TBC1D8B: variants seen among roughly 807,000 people sequenced by gnomAD.
TBC1D8B encodes TBC1 domain family member 8B.
In TBC1D8B, 75 loss-of-function variants were observed where a neutral mutation model predicts 82.9. That is an observed-to-expected ratio of 0.90 (90% confidence interval 0.75 to 1.10). The LOEUF (loss-of-function observed/expected upper bound fraction) is 1.10, where lower values mean the gene tolerates loss of function less well. TBC1D8B is among the 50% of genes least tolerant of loss of function. The probability of loss-of-function intolerance (pLI) is 0.00; values close to 1 mark genes in which losing one functional copy is unlikely to be tolerated. For synonymous variants in TBC1D8B, 276 were observed against 276.8 expected, an observed-to-expected ratio of 1.00 and a Z score of 0.03; for missense variants, 794 against 796.9, an observed-to-expected ratio of 1.00 and a Z score of 0.04.
chrX:106,805,914 C>T (rs1425074162), intron 1 of TBC1D8B, among the ~76,000 whole-genome samples: 2 of 112,331 alleles, frequency 1.8e-5, no homozygotes, highest in East Asian at 5.6e-4. Flanking sequence ...TATGTGTTAT[C>T]CCTTTAAAAG....
intron 7 of TBC1D8B, 117 bp downstream of exon 7, chrX:106,827,454 A>C: frequency 1.3e-6 from 1 of 776,651 alleles, no homozygotes; most frequent in Non-Finnish European, 1.9e-6. Context: ...GTTTTTTTTA[A>C]AGATAGAATC....
chrX:106,853,764 T>C, intron 13 of TBC1D8B, 114 bp downstream of exon 13: 1 of 787,855 alleles, frequency 1.3e-6, no homozygotes. Flanking sequence ...GACATACAAC[T>C]TAAAATCCAA....
rs938148641 is a variant in TBC1D8B, at chrX:106,849,438, G to C, written c.1838-587G>C. On this transcript the variant is annotated intron_variant, in intron 11 of 20. Transcript: ENST00000357242. The stretch of plus-strand genomic sequence containing the variant: ...AGAAGATGAGTTTTCCTCAAAGCTT[G>C]ACCAGGATATAAGTGGATGCCTTAT... The C allele has an allele frequency of 3.8e-6, 4 of 1,048,820 alleles. No homozygotes were observed. In the African/African-American group the frequency reaches 7.9e-5, roughly 21 times the overall value. 86.4% of individuals were successfully genotyped at this position (1,048,820 alleles called of 1,213,427 possible). A position where few individuals can be genotyped will look rare whatever the true frequency, so the allele number is the denominator to read the frequency against.
chrX:106,807,086 C>T (rs892824823), intron 1 of TBC1D8B, among the ~76,000 whole-genome samples: 1 of 111,096 alleles, frequency 9.0e-6, no homozygotes, highest in Non-Finnish European at 1.9e-5. Flanking sequence ...GCATTTCATG[C>T]TTACAAAGGA....
chrX:106,851,808 C>T (rs900007614), intron 12 of TBC1D8B, among the ~76,000 whole-genome samples: 1 of 112,208 alleles, frequency 8.9e-6, no homozygotes, highest in African/African-American at 3.2e-5. Flanking sequence ...TTAATCCAGT[C>T]TATCGTTGTT....
intron 14 of TBC1D8B, among the ~76,000 whole-genome samples, chrX:106,861,027 A>G (rs1469842563): frequency 1.8e-5 from 2 of 111,333 alleles, no homozygotes; most frequent in African/African-American, 6.5e-5. Flanking sequence ...ATGTGATTAT[A>G]TGGTTTTGAG....
At position 106,831,955 on chromosome X, in the gene TBC1D8B, G is replaced by A. The variant is rs966635334; in HGVS notation, c.1203+4618G>A. Among the ~76,000 whole-genome samples, 5 of 111,144 alleles carry A rather than the reference G, an allele frequency of 4.5e-5. 1 individual carries two copies. Among genetic ancestry groups the A allele is most frequent in the African/African-American group, 1.6e-4 (5 of 30,626 alleles). ...ATATCTAGTTTTAATAATAGTACAC[G>A]TAAAAACTTAGTAAAGAGAAAGCTT... On this transcript the variant is annotated intron_variant, in intron 7 of 20. Coordinates refer to ENST00000357242, the MANE Select transcript of TBC1D8B (RefSeq NM_017752.3).
rs765111849 is a variant in TBC1D8B at position 106,802,791 on chromosome X, C to T, written c.-63C>T. The T allele has an allele frequency of 1.3e-5, 16 of 1,189,170 alleles. No individual in the cohort carries two copies. The highest frequency in any genetic ancestry group is 1.8e-5 in the South Asian group (1 of 54,162). ...GGGAGGAGAAGCAGAGGGGAAGAGACGGGTTGAGAGTGAGGTGAGGAGGGC... is the reference window on the plus strand; with the variant it reads ...GGGAGGAGAAGCAGAGGGGAAGAGATGGGTTGAGAGTGAGGTGAGGAGGGC... On this transcript the variant is annotated 5_prime_UTR_variant, in exon 1 of 21. It adds an upstream start codon to the 5' untranslated region. Transcript: ENST00000357242.
chrX:106,849,925 G>A (rs918059284), intron 11 of TBC1D8B, 100 bp from the exon 12 acceptor site: 1 of 1,076,971 alleles, frequency 9.3e-7, no homozygotes, highest in African/African-American at 1.9e-5. Context: ...ATTTAAGGAA[G>A]AAGAATGAGA....
intron 2 of TBC1D8B, among the ~76,000 whole-genome samples, chrX:106,819,790 A>G (rs1931645958): frequency 9.0e-6 from 1 of 110,630 alleles, no homozygotes; most frequent in Non-Finnish European, 1.9e-5. Flanking sequence ...GTTAGTAAAA[A>G]TTATTTTTTT....
At position 106,865,668 on chromosome X, in the gene TBC1D8B, T is replaced by C. The variant is rs1218339010; in HGVS notation, c.2421+41T>C. Reference sequence around the variant, plus strand: ...TTTAAATGAAAAATAATGCTTTTTTTTAGCAGAATTGTATCACAGCCATTC... The same window carrying C: ...TTTAAATGAAAAATAATGCTTTTTTCTAGCAGAATTGTATCACAGCCATTC... On this transcript the variant is annotated intron_variant, in intron 15 of 20. Coordinates refer to ENST00000357242, the MANE Select transcript of TBC1D8B (RefSeq NM_017752.3). The C allele has an allele frequency of 3.6e-6, 4 of 1,118,668 alleles. No homozygotes were observed. In the African/African-American group the frequency reaches 7.3e-5, roughly 20 times the overall value. 92.2% of individuals were successfully genotyped at this position (1,118,668 alleles called of 1,213,427 possible).
intron 7 of TBC1D8B, among the ~76,000 whole-genome samples, chrX:106,830,295 G>A (rs1932000079): frequency 9.0e-6 from 1 of 111,434 alleles, no homozygotes; most frequent in African/African-American, 3.3e-5. Flanking sequence ...TCAGGAAACA[G>A]CAGGTGCTGG....
intron 17 of TBC1D8B, among the ~76,000 whole-genome samples, chrX:106,867,893 C>G (rs1467769715): frequency 1.8e-5 from 2 of 111,304 alleles, no homozygotes; most frequent in Non-Finnish European, 3.8e-5. Flanking sequence ...ATTGTCAAAT[C>G]AGGCTACTGT....
Position 106,848,118 on chromosome X carries a change from T to C in TBC1D8B, c.1720-68T>C, listed in dbSNP as rs550592594. On this transcript the variant is annotated intron_variant, in intron 10 of 20. Transcript: ENST00000357242. ...TTCTTGTTGCTGTCAAAAACTATTA[T>C]GTTTGAAGAAGTATAATTATTACTT... 76 of 719,251 alleles carry C rather than the reference T, an allele frequency of 1.1e-4. No homozygotes were observed. In the African/African-American group the frequency reaches 1.1e-3, roughly 10 times the overall value. The allele number at this position is 719,251 out of a possible 1,213,427, so 59.3% of individuals were successfully genotyped here.
At chrX:106,842,605 AT>A (rs1932336454) in intron 10 of TBC1D8B, among the ~76,000 whole-genome samples, 1 of 5,125 alleles carries the variant, frequency 2.0e-4, no homozygotes, top group African/African-American at 1.2e-3. Context: ...AGCTTGCTCT[AT>A]CTATCTATCT....
intron 7 of TBC1D8B, among the ~76,000 whole-genome samples, chrX:106,830,236 C>G (rs1323401101): frequency 8.9e-6 from 1 of 111,832 alleles, no homozygotes; most frequent in Non-Finnish European, 1.9e-5. Flanking sequence ...AAATCAAAAC[C>G]ACAATGAGAT....
chrX:106,830,282 A>T (rs1380259495), intron 7 of TBC1D8B, among the ~76,000 whole-genome samples: 1 of 111,743 alleles, frequency 8.9e-6, no homozygotes, highest in Non-Finnish European at 1.9e-5. Context: ...GATCATTAAA[A>T]AGTCAGGAAA....
Position 106,802,786 on chromosome X carries a change from A to T in TBC1D8B, c.-68A>T. The T allele has an allele frequency of 8.4e-7, 1 of 1,186,904 alleles. No homozygotes were observed. The highest frequency in any genetic ancestry group is 1.1e-6 in the Non-Finnish European group (1 of 879,279). On this transcript the variant is annotated 5_prime_UTR_variant, in exon 1 of 21. The change creates a new upstream start codon in the 5' untranslated region. Transcript: ENST00000357242. ...TTGGTGGGAGGAGAAGCAGAGGGGAAGAGACGGGTTGAGAGTGAGGTGAGG... is the reference window on the plus strand; with the variant it reads ...TTGGTGGGAGGAGAAGCAGAGGGGATGAGACGGGTTGAGAGTGAGGTGAGG...
At chrX:106,867,518 C>T (rs935178131) in intron 17 of TBC1D8B, among the ~76,000 whole-genome samples, 5 of 111,544 alleles carry the variant, frequency 4.5e-5, no homozygotes, top group African/African-American at 9.8e-5. Context: ...TATATTCTTC[C>T]GTACTACCTC....
Sources: allele counts gnomAD v4.1 joint callset (sites outside exome capture counted in the v4.1 genomes callset), GRCh38; gene constraint gnomAD v4.1.1; transcripts MANE v1.5; gene names NCBI Gene and HGNC (gene_info 2026-07-23, HGNC 2026-07-21).